The following ARHGAP5 variants were observed in gnomAD, a reference collection of about 807,000 sequenced individuals.
ARHGAP5 encodes the protein Rho GTPase activating protein 5, also known as rho GTPase-activating protein 5.
A neutral mutation model predicts 116.6 loss-of-function variants in ARHGAP5; 23 were observed. That is an observed-to-expected ratio of 0.20 (90% confidence interval 0.14 to 0.28). The LOEUF (loss-of-function observed/expected upper bound fraction) is 0.28. Among genes scored for constraint, ARHGAP5 ranks in the 10% least tolerant of loss-of-function variants. The pLI is 1.00. For synonymous variants in ARHGAP5, 574 were observed against 602.0 expected, an observed-to-expected ratio of 0.95 and a Z score of 0.68; for missense variants, 1,405 against 1,774.8, an observed-to-expected ratio of 0.79 and a Z score of 3.74.
chr14:32,099,549 T>C (rs540687858), intron 2 of ARHGAP5, among the ~76,000 whole-genome samples: 1 of 152,316 alleles, frequency 6.6e-6, no homozygotes, highest in Admixed American at 6.5e-5. Flanking sequence ...AATACTTCCC[T>C]TGGAGTTGTG....
In ARHGAP5 at chr14:32,134,419, C is replaced by CCT. The variant is rs1449748116; in HGVS notation, c.3866-11843_3866-11842dup. ...GTCTTATTCCTGTAATGGCATTGTG[C>CCT]CTGAAATGTCAAGTATCACCGCAAA... On this transcript the variant is annotated intron_variant, in intron 3 of 6. Coordinates refer to ENST00000345122, the MANE Select transcript of ARHGAP5 (RefSeq NM_001030055.2). 9.2e-5 allele frequency among the ~76,000 whole-genome samples: 14 copies of CCT among 152,216 alleles called. No individual in the cohort carries two copies. In the East Asian group the frequency reaches 2.5e-3, roughly 27 times the overall value.
chr14:32,091,008 A>G lies in ARHGAP5; in HGVS notation c.339A>G (p.Gln113=), dbSNP rs1175949568. 16 of 1,613,590 alleles carry G rather than the reference A, an allele frequency of 9.9e-6. No homozygotes were observed. The highest frequency in any genetic ancestry group is 2.2e-5 in the South Asian group (2 of 91,064). ...TGCCTCATCGGAGTACGAATTTGCAACCATATATAAAACGTGCAGCTGCAT... is the reference window on the plus strand; with the variant it reads ...TGCCTCATCGGAGTACGAATTTGCAGCCATATATAAAACGTGCAGCTGCAT... The part of the protein sequence containing the change: ...TFLPHRSTNL[Q]PYIKRAAASK... The change falls in exon 2 of 7, where the codon CAA becomes CAG. Residue 113 remains glutamine, a synonymous_variant. Transcript: ENST00000345122.
intron 3 of ARHGAP5, among the ~76,000 whole-genome samples, chr14:32,140,425 CAA>C (rs34679707): frequency 2.8e-5 from 4 of 143,336 alleles, no homozygotes; most frequent in African/African-American, 5.1e-5. Flanking sequence ...ACTAAAAATA[CAA>C]AAAAAAAAAA....
intron 2 of ARHGAP5, among the ~76,000 whole-genome samples, chr14:32,098,890 TAGAG>T (rs1290270002): frequency 2.0e-5 from 3 of 152,122 alleles, no homozygotes; most frequent in African/African-American, 7.2e-5. Context: ...AATTTGAACA[TAGAG>T]AGTGAATAGA....
At chr14:32,133,557 A>G (rs1336458049) in intron 3 of ARHGAP5, among the ~76,000 whole-genome samples, 2 of 152,034 alleles carry the variant, frequency 1.3e-5, no homozygotes, top group African/African-American at 2.4e-5. Context: ...TCTTTTTCCT[A>G]ATTGAATACC....
In ARHGAP5 at chr14:32,091,737, T is replaced by C. The variant is rs758421133; in HGVS notation, c.1068T>C (p.Ile356=). ...CTCTTTTGCCAAATCTAGAAGAGAT[T>C]GAACATTTGAATTGGTCAGAAGCTT... The part of the protein sequence containing the change: ...FNTLLPNLEE[I]EHLNWSEALK... Residue 356 remains isoleucine (I), a synonymous_variant, in exon 2 of 7, where the codon ATT becomes ATC. Coordinates refer to ENST00000345122, the MANE Select transcript of ARHGAP5 (RefSeq NM_001030055.2). 11 of 1,613,230 alleles carry C rather than the reference T, an allele frequency of 6.8e-6. No homozygotes were observed. Among genetic ancestry groups the C allele is most frequent in the Non-Finnish European group, 9.3e-6 (11 of 1,179,616 alleles).
At position 32,109,853 on chromosome 14, in the gene ARHGAP5, G is replaced by C. The variant is rs555359930; in HGVS notation, c.3718-7287G>C. ...GAACATTCCTGTAGATGAGTCTTCT[G>C]GCTTCCAGTTTTCCGGAGAACTCTG... On this transcript the variant is annotated intron_variant, in intron 2 of 6. Transcript: ENST00000345122. Among the ~76,000 whole-genome samples, 4 of 152,118 alleles carry C rather than the reference G, an allele frequency of 2.6e-5. No homozygotes were observed. In the South Asian group the frequency reaches 8.3e-4, roughly 32 times the overall value.
Position 32,154,791 on chromosome 14 carries a change from A to G in ARHGAP5, c.4352A>G (p.Asn1451Ser), listed in dbSNP as rs184170826. 26 of 1,614,156 alleles carry G rather than the reference A, an allele frequency of 1.6e-5. No homozygotes were observed. In the East Asian group the frequency reaches 2.5e-4, roughly 15 times the overall value. ...FIQQCQFFFY[N>S]GEIVETTNIV... Reference sequence around the variant, plus strand: ...CAGCAGTGTCAGTTTTTCTTTTACAATGGAGAAATTGTAGAAACGACAAAC... The same window carrying G: ...CAGCAGTGTCAGTTTTTCTTTTACAGTGGAGAAATTGTAGAAACGACAAAC... The change falls in exon 7 of 7, where the codon AAT becomes AGT. Residue 1451 changes from asparagine (N) to serine (S), a missense_variant. Asn to Ser is a conservative substitution (Grantham distance 46). Around this residue, in one of 6 missense-constraint regions of ARHGAP5, gnomAD observed 85 missense variants for 96.6 expected, o/e 0.88. Coordinates refer to ENST00000345122, the MANE Select transcript of ARHGAP5 (RefSeq NM_001030055.2).
intron 3 of ARHGAP5, among the ~76,000 whole-genome samples, chr14:32,130,603 C>G (rs1326401820): frequency 2.6e-5 from 4 of 151,774 alleles, no homozygotes; most frequent in African/African-American, 7.3e-5. Context: ...TGCAGTGGCG[C>G]GATCTCAGCT....
Position 32,093,692 on chromosome 14 carries a change from C to T in ARHGAP5, c.3023C>T (p.Ser1008Phe), listed in dbSNP as rs771874062. Residue 1008 changes from serine (S) to phenylalanine (F), a missense_variant, in exon 2 of 7, where the codon TCC becomes TTC. Around this residue, in one of 6 missense-constraint regions of ARHGAP5, gnomAD observed 944 missense variants for 1,095.3 expected, o/e 0.86. Coordinates refer to ENST00000345122, the MANE Select transcript of ARHGAP5 (RefSeq NM_001030055.2). ...VQLLPTPSDR[S>F]RYRLDLEGNE... The stretch of plus-strand genomic sequence containing the variant: ...TTGCTTCCAACACCTAGTGACCGTT[C>T]CAGATATAGATTAGATTTGGAAGGA... 1 of 1,613,976 alleles carries T rather than the reference C, an allele frequency of 6.2e-7. No individual in the cohort carries two copies. The highest frequency in any genetic ancestry group is 1.6e-4 in the Middle Eastern group (1 of 6,062).
At chr14:32,102,416 A>G (rs1159859938) in intron 2 of ARHGAP5, among the ~76,000 whole-genome samples, 1 of 152,196 alleles carries the variant, frequency 6.6e-6, no homozygotes, top group Non-Finnish European at 1.5e-5. Flanking sequence ...CACCATCCCT[A>G]CAAAAATGTA....
chr14:32,135,226 GT>G (rs1880725796), intron 3 of ARHGAP5, among the ~76,000 whole-genome samples: 1 of 152,130 alleles, frequency 6.6e-6, no homozygotes, highest in African/African-American at 2.4e-5. Flanking sequence ...GGCTTTTTTG[GT>G]TTAAATTATT....
intron 3 of ARHGAP5, among the ~76,000 whole-genome samples, chr14:32,127,854 C>T (rs565266696): frequency 1.3e-4 from 19 of 148,778 alleles, no homozygotes; most frequent in African/African-American, 4.5e-4. Context: ...CCAGACGGGG[C>T]AGCTGCCGGG....
intron 4 of ARHGAP5, among the ~76,000 whole-genome samples, chr14:32,147,423 TA>T (rs1881427736): frequency 6.6e-6 from 1 of 152,220 alleles, no homozygotes; most frequent in African/African-American, 2.4e-5. Flanking sequence ...CTATTAATGA[TA>T]AAAATTAAAG....
chr14:32,078,859 T>C (rs573945514), intron 1 of ARHGAP5, among the ~76,000 whole-genome samples: 1 of 152,380 alleles, frequency 6.6e-6, no homozygotes, highest in East Asian at 1.9e-4. Flanking sequence ...ATTTGTACTG[T>C]AATACGATAA....
intron 3 of ARHGAP5, among the ~76,000 whole-genome samples, chr14:32,123,623 T>C (rs1880000615): frequency 6.6e-6 from 1 of 152,180 alleles, no homozygotes; most frequent in South Asian, 2.1e-4. Flanking sequence ...TTCTGAATTT[T>C]ACATTATTTA....
chr14:32,102,330 A>G (rs1214437141), intron 2 of ARHGAP5, among the ~76,000 whole-genome samples: 1 of 152,076 alleles, frequency 6.6e-6, no homozygotes. Flanking sequence ...CCTGTTCCTA[A>G]CCAATACAGT....
At chr14:32,140,342 G>A (rs1881059598) in intron 3 of ARHGAP5, among the ~76,000 whole-genome samples, 1 of 151,786 alleles carries the variant, frequency 6.6e-6, no homozygotes, top group Non-Finnish European at 1.5e-5. Context: ...AGCACTTTGG[G>A]AGGCCGAGGC....
chr14:32,134,201 A>C (rs1268933248), intron 3 of ARHGAP5, among the ~76,000 whole-genome samples: 1 of 152,124 alleles, frequency 6.6e-6, no homozygotes, highest in South Asian at 2.1e-4. Flanking sequence ...GTATGTTTTC[A>C]TGTCATGAAT....
Sources: gnomAD v4.1 joint callset for allele counts (sites outside exome capture counted in the v4.1 genomes callset) on GRCh38, gnomAD v4.1.1 for gene constraint, gnomAD v4.1.1 regional missense constraint, MANE v1.5 for transcripts, NCBI Gene and HGNC (gene_info 2026-07-23, HGNC 2026-07-21) for gene names.